The following MROH2B variants were observed in gnomAD, a reference collection of about 807,000 sequenced individuals.
MROH2B encodes maestro heat like repeat family member 2B, also known as maestro heat-like repeat-containing protein family member 2B.
A neutral mutation model predicts 208.6 loss-of-function variants in MROH2B; 177 were observed. The ratio of observed to expected loss-of-function variants is 0.85; its 90% CI spans 0.75 to 0.96. The LOEUF is 0.96. Ranked by LOEUF, MROH2B falls within the 40% of genes least tolerant of loss-of-function variation. MROH2B has a pLI of 0.00. For synonymous variants in MROH2B, 728 were observed against 659.0 expected (o/e 1.10, Z -1.60); for missense variants, 2,002 against 1,878.7 (o/e 1.07, Z -1.21).
intron 24 of MROH2B, among the ~76,000 whole-genome samples, chr5:41,024,521 C>T (rs1742280320): frequency 6.6e-6 from 1 of 152,048 alleles, no homozygotes; most frequent in African/African-American, 2.4e-5. Flanking sequence ...ACAGGAGCAC[C>T]AAGATTCATA....
At chr5:41,017,186 T>G (rs1408080553) in intron 28 of MROH2B, among the ~76,000 whole-genome samples, 1 of 152,218 alleles carries the variant, frequency 6.6e-6, no homozygotes, top group Non-Finnish European at 1.5e-5. Context: ...GGGCTGTCCT[T>G]GGTGAAACAT....
At position 41,017,367 on chromosome 5, in the gene MROH2B, A is replaced by G. The variant is rs185251532; in HGVS notation, c.2884+483T>C. Among the ~76,000 whole-genome samples the G allele has an allele frequency of 4.0e-3, 611 of 152,338 alleles. 1 individual carries two copies. The highest frequency in any genetic ancestry group is 0.013 in the African/African-American group (540 of 41,578). ...AAGTTCTGTCTCTTAGAGAGCTTTG[A>G]AAGGCACTTAGTACCACGATAATAG... is the stretch of plus-strand genomic sequence containing the variant. On this transcript the variant is annotated intron_variant, in intron 28 of 41. Transcript: ENST00000399564.
chr5:41,041,624 A>G (rs1267785101), intron 19 of MROH2B, among the ~76,000 whole-genome samples: 6 of 151,878 alleles, frequency 4.0e-5, no homozygotes, highest in African/African-American at 1.5e-4. Flanking sequence ...ACTCTGTCTC[A>G]ACAACAACAA....
chr5:41,066,704 C>T (rs897637956), intron 3 of MROH2B, among the ~76,000 whole-genome samples: 2 of 152,122 alleles, frequency 1.3e-5, no homozygotes, highest in African/African-American at 4.8e-5. Flanking sequence ...CAAATTACTT[C>T]TACAAATTAT....
At chr5:41,002,119 G>A (rs1324781062) in intron 37 of MROH2B, among the ~76,000 whole-genome samples, 2 of 152,180 alleles carry the variant, frequency 1.3e-5, no homozygotes, top group African/African-American at 4.8e-5. Flanking sequence ...TTTAGAAAGA[G>A]GAAGCTAACC....
At chr5:41,051,114 A>T (rs745367281) in intron 12 of MROH2B, 24 bp from the exon 13 acceptor site, 2 of 1,469,976 alleles carry the variant, frequency 1.4e-6, no homozygotes, top group East Asian at 5.1e-5. Flanking sequence ...CAAACAGGTG[A>T]CTTGTTAATG....
At chr5:41,016,656 T>G (rs1741964854) in intron 28 of MROH2B, among the ~76,000 whole-genome samples, 1 of 151,878 alleles carries the variant, frequency 6.6e-6, no homozygotes, top group Non-Finnish European at 1.5e-5. Context: ...TTTTTTGTAT[T>G]TTTGGGAGAC....
intron 2 of MROH2B, among the ~76,000 whole-genome samples, chr5:41,068,731 C>T (rs1238749157): frequency 2.0e-5 from 3 of 152,136 alleles, no homozygotes; most frequent in Non-Finnish European, 4.4e-5. Context: ...TTAAGTGATT[C>T]CCAATGTTTG....
At chr5:41,065,254 C>T (rs1232091536) in intron 4 of MROH2B, 77 bp downstream of exon 4, 13 of 1,378,956 alleles carry the variant, frequency 9.4e-6, no homozygotes, top group Middle Eastern at 1.8e-4. Context: ...TCTCTTCTAC[C>T]GTTTGCTCCC....
intron 18 of MROH2B, among the ~76,000 whole-genome samples, chr5:41,042,503 A>G (rs927605601): frequency 6.6e-6 from 1 of 152,180 alleles, no homozygotes; most frequent in African/African-American, 2.4e-5. Flanking sequence ...GGTTCATTGT[A>G]GCAGAGGGTC....
At chr5:41,037,561 AT>A (rs1742804911) in intron 21 of MROH2B, among the ~76,000 whole-genome samples, 2 of 152,146 alleles carry the variant, frequency 1.3e-5, no homozygotes, top group African/African-American at 2.4e-5. Flanking sequence ...GATGACTACA[AT>A]TTCATGAGTC....
intron 21 of MROH2B, among the ~76,000 whole-genome samples, chr5:41,034,409 T>C (rs567456149): frequency 1.3e-5 from 2 of 152,236 alleles, no homozygotes; most frequent in South Asian, 2.1e-4. Flanking sequence ...AGGTGCACAG[T>C]TGAACTGAGC....
intron 24 of MROH2B, among the ~76,000 whole-genome samples, chr5:41,023,583 G>T (rs1260857246): frequency 1.3e-5 from 2 of 151,236 alleles, no homozygotes; most frequent in Non-Finnish European, 3.0e-5. Flanking sequence ...ACCTGAAAGT[G>T]ATGGGACCAA....
intron 37 of MROH2B, among the ~76,000 whole-genome samples, chr5:41,003,063 C>A (rs191730568): frequency 4.6e-5 from 7 of 151,092 alleles, no homozygotes; most frequent in African/African-American, 1.5e-4. Context: ...CGTGTTCAAG[C>A]GATTATCCTG....
Position 41,051,020 on chromosome 5 carries a change from T to G in MROH2B, c.1301A>C (p.Glu434Ala). 6.4e-7 allele frequency: 1 copy of G among 1,564,458 alleles called. No individual in the cohort carries two copies. The highest frequency in any genetic ancestry group is 8.6e-7 in the Non-Finnish European group (1 of 1,161,882). The stretch of plus-strand genomic sequence containing the variant: ...CAGTGGGTCCAGGGTTTTTAAGACC[T>G]CAAGGCTTGTTTCTCGGACAGATTC... ...EEESVRETSL[E>A]VLKTLDPLVI... The change falls in exon 13 of 42, where the codon GAG becomes GCG. Residue 434 changes from glutamate to alanine, a missense_variant. Transcript: ENST00000399564.
At position 41,067,095 on chromosome 5, in the gene MROH2B, G is replaced by A; in HGVS notation, c.201+13C>T. On this transcript the variant is annotated intron_variant, in intron 3 of 41. Transcript: ENST00000399564. ...ACATAAAGACCCTTTTCACCATCAT[G>A]AACCAAACTTACATTGTTGTCTCTC... 6.7e-7 allele frequency: 1 copy of A among 1,503,522 alleles called. No homozygotes were observed. The highest frequency in any genetic ancestry group is 1.4e-5 in the African/African-American group (1 of 72,294). The allele number at this position is 1,503,522 out of a possible 1,614,324, so 93.1% of individuals were successfully genotyped here.
At chr5:41,026,318 G>A (rs1306703480) in intron 24 of MROH2B, among the ~76,000 whole-genome samples, 1 of 152,206 alleles carries the variant, frequency 6.6e-6, no homozygotes, top group Non-Finnish European at 1.5e-5. Flanking sequence ...TACTTAAGCT[G>A]ATAAGCAACT....
intron 21 of MROH2B, chr5:41,034,211 C>T (rs187863570): frequency 7.8e-5 from 22 of 283,228 alleles, no homozygotes; most frequent in East Asian, 1.8e-4. Flanking sequence ...AAATGAGAAG[C>T]GAAAAACTAT....
Position 41,052,241 on chromosome 5 carries a change from A to C in MROH2B, c.1230+224T>G, listed in dbSNP as rs1053343400. Among the ~76,000 whole-genome samples the C allele has an allele frequency of 3.4e-5, 5 of 146,110 alleles. No homozygotes were observed. The Admixed American group carries it at 3.5e-4, about 10-fold the overall frequency. ...AAAAAAAAAGAACTGAGAAAACTAGAGGCTGTAAAAATTATCAATAAAAGT... is the reference window on the plus strand; with the variant it reads ...AAAAAAAAAGAACTGAGAAAACTAGCGGCTGTAAAAATTATCAATAAAAGT... On this transcript the variant is annotated intron_variant, in intron 12 of 41. Transcript: ENST00000399564.
Sources: gnomAD v4.1 joint callset for allele counts (sites outside exome capture counted in the v4.1 genomes callset) on GRCh38, gnomAD v4.1.1 for gene constraint, MANE v1.5 for transcripts, NCBI Gene and HGNC (gene_info 2026-07-23, HGNC 2026-07-21) for gene names.